The following ZNF787 variants were observed in gnomAD, a reference collection of about 807,000 sequenced individuals.
The protein encoded by ZNF787 is zinc finger protein 787.
A neutral mutation model predicts 16.9 loss-of-function variants in ZNF787; 7 were observed. That is an observed-to-expected ratio of 0.42 (90% CI 0.24 to 0.78). The LOEUF (loss-of-function observed/expected upper bound fraction) is 0.78, where lower values mean the gene tolerates loss of function less well. ZNF787 is among the 30% of genes least tolerant of loss of function. The pLI is 0.30. For missense variants in ZNF787, 551 were observed against 589.3 expected, an observed-to-expected ratio of 0.94 and a Z score of 0.67; for synonymous variants, 345 against 270.9, an observed-to-expected ratio of 1.27 and a Z score of -2.69.
At chr19:56,089,455 G>C (rs938018817) in intron 2 of ZNF787, among the ~76,000 whole-genome samples, 1 of 152,172 alleles carries the variant, frequency 6.6e-6, no homozygotes, top group Non-Finnish European at 1.5e-5. Flanking sequence ...CTGGACGCCG[G>C]GGGCAGAGGA....
At chr19:56,105,190 G>A (rs1241792369) in intron 1 of ZNF787, among the ~76,000 whole-genome samples, 2 of 152,078 alleles carry the variant, frequency 1.3e-5, no homozygotes, top group East Asian at 1.9e-4. Flanking sequence ...CTCTGAGGCA[G>A]CCCTCCCAGC....
intron 2 of ZNF787, chr19:56,102,569 A>C: frequency 2.4e-6 from 1 of 418,140 alleles, no homozygotes; most frequent in Non-Finnish European, 4.3e-6. Context: ...TAAACAAACA[A>C]AACACATTGC....
Position 56,088,002 on chromosome 19 carries a change from C to CA in ZNF787, c.*20_*21insT. The CA allele has an allele frequency of 2.2e-5, 1 of 45,538 alleles. No individual in the cohort carries two copies. The highest frequency in any genetic ancestry group is 4.8e-4 in the South Asian group (1 of 2,068). The allele number at this position is 45,538 out of a possible 1,614,324, so 2.8% of individuals were successfully genotyped here. A position where few individuals can be genotyped will look rare whatever the true frequency, so the allele number is the denominator to read the frequency against. On this transcript the variant is annotated 3_prime_UTR_variant, in exon 3 of 3. Transcript: ENST00000610935. The surrounding 1 kb of genome is among the most constrained non-coding windows in gnomAD (Gnocchi z 8.6). ...GCCAAGCCCGAGGGGCCCTGCCCGCCCCCCCCCCCGGGCCCCTCCCCTACC... is the reference window on the plus strand; with the variant it reads ...GCCAAGCCCGAGGGGCCCTGCCCGCCACCCCCCCCCGGGCCCCTCCCCTACC...
chr19:56,106,272 C>A (rs888249753), intron 1 of ZNF787, among the ~76,000 whole-genome samples: 5 of 152,224 alleles, frequency 3.3e-5, no homozygotes, highest in Non-Finnish European at 5.9e-5. Context: ...GCGTGTCGCT[C>A]CTCTCTCGGG....
At chr19:56,097,214 A>AC in intron 2 of ZNF787, among the ~76,000 whole-genome samples, 1 of 152,332 alleles carries the variant, frequency 6.6e-6, no homozygotes, top group African/African-American at 2.4e-5. Flanking sequence ...GGCTGCACTG[A>AC]CTGCAGGCAC....
At position 56,087,558 on chromosome 19, in the gene ZNF787, C is replaced by G. The variant is rs925446816; in HGVS notation, c.*465G>C. ...TAATGGATTGGGGCGGGCGGGGAGT[C>G]AAAAGGTGGGCTGATTAAAAGAAAA... On this transcript the variant is annotated 3_prime_UTR_variant, in exon 3 of 3. Transcript: ENST00000610935. 6.5e-6 allele frequency: 1 copy of G among 152,702 alleles called. No individual in the cohort carries two copies. Among genetic ancestry groups the G allele is most frequent in the African/African-American group, 2.4e-5 (1 of 41,432 alleles). 9.5% of individuals were successfully genotyped at this position (152,702 alleles called of 1,614,324 possible).
intron 1 of ZNF787, among the ~76,000 whole-genome samples, chr19:56,111,595 G>GT (rs2029981428): frequency 6.6e-6 from 1 of 152,082 alleles, no homozygotes; most frequent in African/African-American, 2.4e-5. Context: ...CAGAGGAGGG[G>GT]TAAGGGGTGA....
rs767778657 is a variant in ZNF787 at position 56,088,713 on chromosome 19, G to A, written c.459C>T (p.Pro153=). The change falls in exon 3 of 3, where the codon CCC becomes CCT. Residue 153 remains proline (P), a synonymous_variant. Coordinates refer to ENST00000610935, the MANE Select transcript of ZNF787 (RefSeq NM_001002836.4). This position sits in a 1 kb window ranked among gnomAD's most constrained non-coding sequence, Gnocchi z 8.6. Reference sequence around the variant, plus strand: ...TCTGAGTGAAGCTGCGGCCGCAGTCGGGGCAGGTGTAGGGCTTCTCGCCCG... The same window carrying A: ...TCTGAGTGAAGCTGCGGCCGCAGTCAGGGCAGGTGTAGGGCTTCTCGCCCG... ...IHTGEKPYTC[P]DCGRSFTQSK... is the part of the protein sequence containing the mutation. The A allele has an allele frequency of 1.2e-6, 2 of 1,606,624 alleles. 1 individual carries two copies. Among genetic ancestry groups the A allele is most frequent in the South Asian group, 2.2e-5 (2 of 90,622 alleles).
At position 56,096,766 on chromosome 19, in the gene ZNF787, G is replaced by A. The variant is rs113512566; in HGVS notation, c.79+6373C>T. ...ACAAAATAAAATAAAGAGAGATGAG[G>A]GTGCACTGAAACATGGAGCCCGTGC... is the stretch of plus-strand genomic sequence containing the variant. On this transcript the variant is annotated intron_variant, in intron 2 of 2. Transcript: ENST00000610935. Among the ~76,000 whole-genome samples the A allele has an allele frequency of 1.4e-4, 22 of 151,956 alleles. No homozygotes were observed. The East Asian group carries it at 4.1e-3, about 28-fold the overall frequency.
chr19:56,093,119 G>A (rs577970639), intron 2 of ZNF787, among the ~76,000 whole-genome samples: 1 of 149,038 alleles, frequency 6.7e-6, no homozygotes, highest in African/African-American at 2.5e-5. Flanking sequence ...GATGGCGGAA[G>A]TGGGATATTC....
chr19:56,100,010 G>A (rs1292408762), intron 2 of ZNF787, among the ~76,000 whole-genome samples: 1 of 152,254 alleles, frequency 6.6e-6, no homozygotes, highest in Admixed American at 6.5e-5. Context: ...AGGCCAGTGC[G>A]CCGTGACTGT....
rs540339654 is a variant in ZNF787, at chr19:56,093,786, C to T, written c.80-4694G>A. Among the ~76,000 whole-genome samples, 8 of 152,326 alleles carry T rather than the reference C, an allele frequency of 5.3e-5. No individual in the cohort carries two copies. In the South Asian group the frequency reaches 6.2e-4, roughly 12 times the overall value. On this transcript the variant is annotated intron_variant, in intron 2 of 2. Coordinates refer to ENST00000610935, the MANE Select transcript of ZNF787 (RefSeq NM_001002836.4). ...TCATGTTGACTTTCCAAGTCTTCCA[C>T]GCTTTCTGCCACGAAGGATCGGTGA...
intron 1 of ZNF787, among the ~76,000 whole-genome samples, chr19:56,112,289 G>A (rs1156725549): frequency 1.3e-5 from 2 of 152,104 alleles, no homozygotes; most frequent in Non-Finnish European, 2.9e-5. Context: ...TGAAACGAGG[G>A]TCCCGGCCTC....
chr19:56,099,855 G>C (rs974862268), intron 2 of ZNF787, among the ~76,000 whole-genome samples: 5 of 152,162 alleles, frequency 3.3e-5, no homozygotes, highest in Admixed American at 2.6e-4. Flanking sequence ...GAGACAGTGT[G>C]TAGGGCTGGG....
At chr19:56,100,323 C>T (rs555160383) in intron 2 of ZNF787, among the ~76,000 whole-genome samples, 11 of 152,282 alleles carry the variant, frequency 7.2e-5, no homozygotes, top group African/African-American at 1.9e-4. Flanking sequence ...AGGCTGACAC[C>T]TCCTGCTGCT....
chr19:56,111,291 C>T (rs899008710), intron 1 of ZNF787, among the ~76,000 whole-genome samples: 1 of 151,978 alleles, frequency 6.6e-6, no homozygotes, highest in African/African-American at 2.4e-5. Context: ...GGGGCAAGGC[C>T]TGGGCAGCTG....
At position 56,108,729 on chromosome 19, in the gene ZNF787, A is replaced by G. The variant is rs2029896174; in HGVS notation, c.-10-5502T>C. Among the ~76,000 whole-genome samples the G allele has an allele frequency of 1.3e-5, 2 of 151,620 alleles. 1 individual carries two copies. The highest frequency in any genetic ancestry group is 4.2e-4 in the South Asian group (2 of 4,802). On this transcript the variant is annotated intron_variant, in intron 1 of 2. Coordinates refer to ENST00000610935, the MANE Select transcript of ZNF787 (RefSeq NM_001002836.4). ...AAGACCAGACACAGCAAATCCCAACACTCAGCCCCTCGCCGGACCTGTCTC... is the reference window on the plus strand; with the variant it reads ...AAGACCAGACACAGCAAATCCCAACGCTCAGCCCCTCGCCGGACCTGTCTC...
At chr19:56,094,587 T>C (rs980938709) in intron 2 of ZNF787, among the ~76,000 whole-genome samples, 1 of 152,202 alleles carries the variant, frequency 6.6e-6, no homozygotes, top group African/African-American at 2.4e-5. Context: ...GAAAGGTTTT[T>C]GTTCTTATTT....
At chr19:56,113,456 G>C (rs1456318978) in intron 1 of ZNF787, among the ~76,000 whole-genome samples, 1 of 152,228 alleles carries the variant, frequency 6.6e-6, no homozygotes, top group East Asian at 1.9e-4. Flanking sequence ...CAGCCGAAAT[G>C]TAGAGACAAC....
Sources: allele counts gnomAD v4.1 joint callset (sites outside exome capture counted in the v4.1 genomes callset), GRCh38; gene constraint gnomAD v4.1.1; non-coding constraint Gnocchi (gnomAD v3.1); transcripts MANE v1.5; gene names NCBI Gene and HGNC (gene_info 2026-07-23, HGNC 2026-07-21).